Variants in NECAB2 observed in about 807,000 individuals in gnomAD.
NECAB2 encodes the protein N-terminal EF-hand calcium-binding protein 2.
A neutral mutation model predicts 51.9 loss-of-function variants in NECAB2; 68 were observed. The observed-to-expected ratio is 1.31, with a 90% CI of 1.08 to 1.60. The LOEUF (loss-of-function observed/expected upper bound fraction) is 1.60. NECAB2 is among the 40% of genes most tolerant of loss of function. NECAB2 has a pLI of 0.00. For synonymous variants in NECAB2, 329 were observed against 203.5 expected (o/e 1.62, Z -5.25); for missense variants, 854 against 490.3 (o/e 1.74, Z -7.00).
At chr16:83,999,714 G>A (rs1014993081) in intron 10 of NECAB2, among the ~76,000 whole-genome samples, 1 of 152,062 alleles carries the variant, frequency 6.6e-6, no homozygotes, top group African/African-American at 2.4e-5. Context: ...GTCCCATAGA[G>A]CAATGGGGGA....
At chr16:83,997,123 G>A in intron 8 of NECAB2, 93 bp from the exon 9 acceptor site, 1 of 1,502,644 alleles carries the variant, frequency 6.7e-7, no homozygotes, top group South Asian at 1.1e-5. Flanking sequence ...GTCCTTGGGA[G>A]CTCCCAACAG....
upstream of NECAB2, chr16:83,965,181 G>A: frequency 6.2e-7 from 1 of 1,613,324 alleles, no homozygotes; most frequent in Non-Finnish European, 8.5e-7. Flanking sequence ...GCCGTGGAGT[G>A]GGGGACCCCC....
chr16:83,968,607 G>T lies in NECAB2; in HGVS notation c.-42G>T. ...CGCGGGGGCGGGCCGCAGCTGGGCG[G>T]GGGTCGGCGGGCTTCCGGGCGGCGG... On this transcript the variant is annotated 5_prime_UTR_variant, in exon 1 of 13. Transcript: ENST00000305202. The T allele has an allele frequency of 2.0e-6, 2 of 977,744 alleles. No homozygotes were observed. Among genetic ancestry groups the T allele is most frequent in the South Asian group, 4.6e-5 (1 of 21,948 alleles). 60.6% of individuals were successfully genotyped at this position (977,744 alleles called of 1,614,324 possible).
chr16:83,992,730 A>G (rs925597971), intron 6 of NECAB2, among the ~76,000 whole-genome samples: 3 of 152,142 alleles, frequency 2.0e-5, no homozygotes, highest in African/African-American at 7.2e-5. Flanking sequence ...AAATTAAAAT[A>G]CACATTCCTG....
At chr16:83,993,850 A>G (rs1423233924) in intron 6 of NECAB2, among the ~76,000 whole-genome samples, 1 of 152,144 alleles carries the variant, frequency 6.6e-6, no homozygotes, top group East Asian at 1.9e-4. Flanking sequence ...TTTTATGTGT[A>G]TGTGTTGGAG....
intron 2 of NECAB2, among the ~76,000 whole-genome samples, chr16:83,975,570 C>T (rs768816146): frequency 6.6e-6 from 1 of 152,088 alleles, no homozygotes; most frequent in South Asian, 2.1e-4. Flanking sequence ...TCAGGGCTGC[C>T]CTGTCAGGGT....
intron 4 of NECAB2, 41 bp from the exon 5 acceptor site, chr16:83,980,989 G>A (rs2084480052): frequency 1.2e-6 from 2 of 1,607,264 alleles, no homozygotes; most frequent in Non-Finnish European, 1.7e-6. Context: ...AGTGGGAGGG[G>A]CAGGACCTGT....
intron 11 of NECAB2, 65 bp downstream of exon 11, chr16:84,000,866 G>T: frequency 3.9e-6 from 6 of 1,522,742 alleles, no homozygotes; most frequent in South Asian, 1.1e-5. Flanking sequence ...TGTCTTCCTG[G>T]AGCCAGGCAT....
At chr16:83,982,361 C>G (rs900507931) in intron 5 of NECAB2, among the ~76,000 whole-genome samples, 2 of 152,130 alleles carry the variant, frequency 1.3e-5, no homozygotes, top group African/African-American at 2.4e-5. Context: ...ATTTTAATAC[C>G]ATGTAAGACC....
intron 9 of NECAB2, among the ~76,000 whole-genome samples, chr16:83,997,930 G>C (rs2084740605): frequency 6.6e-6 from 1 of 152,180 alleles, no homozygotes; most frequent in Non-Finnish European, 1.5e-5. Context: ...AGGCCCTGGA[G>C]GCTGTGCAGG....
rs1252407564 is a variant in NECAB2, at chr16:83,994,376, A to C, written c.671A>C (p.Asn224Thr). The change falls in exon 7 of 13, where the codon AAC becomes ACC. Residue 224 changes from asparagine to threonine, a missense_variant. By Grantham distance (65) the Asn-to-Thr change is moderately conservative. Coordinates refer to ENST00000305202, the MANE Select transcript of NECAB2 (RefSeq NM_019065.3). ...CGSPTPASAP[N>T]HKLMAMEQGK... ...AGCCCCACTCCCGCCTCTGCCCCCA[A>C]CCACAAGCTCATGGCTATGGAACAA... 1.2e-6 allele frequency: 2 copies of C among 1,614,146 alleles called. No homozygotes were observed. Among genetic ancestry groups the C allele is most frequent in the East Asian group, 2.2e-5 (1 of 44,872 alleles).
chr16:83,976,889 T>C (rs1354899876), intron 2 of NECAB2, among the ~76,000 whole-genome samples: 1 of 152,232 alleles, frequency 6.6e-6, no homozygotes, highest in African/African-American at 2.4e-5. Flanking sequence ...GCAGAGCTGC[T>C]GGGAGCACAG....
chr16:83,980,653 GA>G (rs2084474833), intron 3 of NECAB2, among the ~76,000 whole-genome samples, 185 bp from the exon 4 acceptor site: 1 of 152,142 alleles, frequency 6.6e-6, no homozygotes, highest in Non-Finnish European at 1.5e-5. Flanking sequence ...GGATCAGACA[GA>G]CGTGGGCCTT....
intron 2 of NECAB2, among the ~76,000 whole-genome samples, chr16:83,973,726 A>G (rs2084372920): frequency 6.6e-6 from 1 of 151,800 alleles, no homozygotes; most frequent in African/African-American, 2.4e-5. Context: ...CCTGATACCC[A>G]GCACACAGTA....
intron 5 of NECAB2, among the ~76,000 whole-genome samples, chr16:83,984,027 G>A (rs181721061): frequency 1.5e-5 from 2 of 132,414 alleles, no homozygotes; most frequent in South Asian, 2.4e-4. Context: ...ACGGAGTCTC[G>A]CTCTGTCATC....
chr16:84,000,663 C>A, intron 10 of NECAB2, 61 bp from the exon 11 acceptor site: 1 of 1,456,806 alleles, frequency 6.9e-7, no homozygotes, highest in Non-Finnish European at 9.6e-7. Context: ...CCCAGGGGAA[C>A]AGCACTGAGG....
intron 3 of NECAB2, among the ~76,000 whole-genome samples, chr16:83,979,001 G>A (rs542773062): frequency 4.7e-4 from 72 of 152,054 alleles, no homozygotes; most frequent in African/African-American, 1.5e-3. Context: ...TCAACACTAC[G>A]TCTATCATTA....
intron 3 of NECAB2, among the ~76,000 whole-genome samples, chr16:83,980,007 TCCTGACAGAGCA>T (rs2084464188): frequency 6.6e-6 from 1 of 152,140 alleles, no homozygotes; most frequent in Non-Finnish European, 1.5e-5. Flanking sequence ...TGGAGGCACC[TCCTGACAGAGCA>T]TGCAGAGCCC....
At chr16:83,995,850 T>C (rs2084690731) in intron 8 of NECAB2, among the ~76,000 whole-genome samples, 1 of 152,312 alleles carries the variant, frequency 6.6e-6, no homozygotes, top group African/African-American at 2.4e-5. Context: ...TGAAGCCAGC[T>C]GCGGGAGCGG....
Sources: gnomAD v4.1 joint callset for allele counts (sites outside exome capture counted in the v4.1 genomes callset) on GRCh38, gnomAD v4.1.1 for gene constraint, MANE v1.5 for transcripts, NCBI Gene and HGNC (gene_info 2026-07-23, HGNC 2026-07-21) for gene names.